Variants in SLC15A4 observed in about 807,000 individuals in gnomAD.
The protein encoded by SLC15A4 is solute carrier family 15 member 4, also known as hPHT1.
A neutral mutation model predicts 46.1 loss-of-function variants in SLC15A4; 26 were observed. The observed-to-expected ratio is 0.56, with a 90% CI of 0.41 to 0.78. SLC15A4 has a LOEUF of 0.78. Ranked by LOEUF, SLC15A4 falls within the 30% of genes least tolerant of loss-of-function variation. The probability of loss-of-function intolerance (pLI) is 0.00; values close to 1 mark genes in which losing one functional copy is unlikely to be tolerated. For synonymous variants in SLC15A4, 370 were observed against 333.4 expected (o/e 1.11, Z -1.20); for missense variants, 751 against 755.7 (o/e 0.99, Z 0.07).
At chr12:128,821,684 A>C (rs1245128111) in intron 1 of SLC15A4, among the ~76,000 whole-genome samples, 1 of 152,064 alleles carries the variant, frequency 6.6e-6, no homozygotes, top group Non-Finnish European at 1.5e-5. Flanking sequence ...TCAAGAGATC[A>C]AGACCATCCT....
chr12:128,810,691 G>A (rs1029013189), intron 2 of SLC15A4, among the ~76,000 whole-genome samples: 2 of 152,168 alleles, frequency 1.3e-5, no homozygotes, highest in African/African-American at 4.8e-5. Flanking sequence ...AGAGCTGTTG[G>A]GGGAGGGCGG....
In SLC15A4 at chr12:128,800,941, C is replaced by T. The variant is rs188218535; in HGVS notation, c.1327G>A (p.Val443Ile). 399 of 1,614,142 alleles carry T rather than the reference C, an allele frequency of 2.5e-4. 2 individuals carry two copies. The South Asian group carries it at 2.6e-3, about 10-fold the overall frequency. ...KTINQTIGNV[V>I]YHAADLSLWW... is the part of the protein sequence containing the mutation. The stretch of plus-strand genomic sequence containing the variant: ...AGCGACAGATCGGCAGCATGGTAGA[C>T]GACGTTGCCGATGGTCTGATTAATG... Residue 443 changes from valine (V) to isoleucine (I), a missense_variant, in exon 6 of 8, where the codon GTC becomes ATC. Physicochemically the swap from Val to Ile is conservative, Grantham distance 29 (BLOSUM62 3). Transcript: ENST00000266771.
At chr12:128,821,462 GC>G (rs1390272195) in intron 1 of SLC15A4, among the ~76,000 whole-genome samples, 4 of 152,236 alleles carry the variant, frequency 2.6e-5, no homozygotes, top group Non-Finnish European at 4.4e-5. Context: ...AGTGAAAGCA[GC>G]CCCAGTGTAG....
chr12:128,811,991 GAGCTCCAGTTTC>G (rs1224864753), intron 2 of SLC15A4, among the ~76,000 whole-genome samples: 10 of 152,076 alleles, frequency 6.6e-5, no homozygotes, highest in Non-Finnish European at 1.3e-4. Context: ...ACAAGTTGAC[GAGCTCCAGTTTC>G]AGGACGCCTG....
At chr12:128,823,281 C>T in intron 1 of SLC15A4, 117 bp downstream of exon 1, 6 of 1,018,124 alleles carry the variant, frequency 5.9e-6, no homozygotes, top group Non-Finnish European at 7.9e-6. Flanking sequence ...TAGACAGAAG[C>T]CCCCCGGGGC....
intron 5 of SLC15A4, among the ~76,000 whole-genome samples, chr12:128,802,734 G>C (rs1203411917): frequency 1.3e-5 from 2 of 152,158 alleles, no homozygotes; most frequent in Non-Finnish European, 2.9e-5. Flanking sequence ...GAAGACTAAG[G>C]ATGAAAAAGG....
intron 5 of SLC15A4, among the ~76,000 whole-genome samples, chr12:128,805,676 C>T (rs1301841542): frequency 1.3e-5 from 2 of 152,104 alleles, no homozygotes; most frequent in African/African-American, 4.8e-5. Context: ...GGATTAAAGG[C>T]ATGCGCCACC....
intron 5 of SLC15A4, chr12:128,801,313 G>A (rs1955516789): frequency 4.5e-6 from 1 of 223,516 alleles, no homozygotes; most frequent in East Asian, 1.1e-4. Context: ...CCCATACCTC[G>A]TTTGTCTCTT....
At position 128,809,145 on chromosome 12, in the gene SLC15A4, C is replaced by T. The variant is rs1593010395; in HGVS notation, c.1090-189G>A. On this transcript the variant is annotated intron_variant, in intron 4 of 7. Coordinates refer to ENST00000266771, the MANE Select transcript of SLC15A4 (RefSeq NM_145648.4). Reference sequence around the variant, plus strand: ...TCCAAATGAATCTGCATTTGCTTTTCTGTGTTTTGAGGGGAAAATAATCAG... The same window carrying T: ...TCCAAATGAATCTGCATTTGCTTTTTTGTGTTTTGAGGGGAAAATAATCAG... 1.2e-5 allele frequency: 8 copies of T among 641,374 alleles called. No homozygotes were observed. In the South Asian group the frequency reaches 1.8e-4, roughly 14 times the overall value. 39.7% of individuals were successfully genotyped at this position (641,374 alleles called of 1,614,324 possible).
rs1254098560 is a variant in SLC15A4, at chr12:128,793,415, T to G, written c.*781A>C. On this transcript the variant is annotated 3_prime_UTR_variant, in exon 8 of 8. Transcript: ENST00000266771. ...ATGTTTTCCTTACATACAACCATGATCAGTCTTTAGTCTCAATCGTACCAA... is the reference window on the plus strand; with the variant it reads ...ATGTTTTCCTTACATACAACCATGAGCAGTCTTTAGTCTCAATCGTACCAA... The G allele has an allele frequency of 6.6e-6, 1 of 152,212 alleles. No homozygotes were observed. Among genetic ancestry groups the G allele is most frequent in the East Asian group, 1.9e-4 (1 of 5,196 alleles). The allele number at this position is 152,212 out of a possible 1,614,324, so 9.4% of individuals were successfully genotyped here.
chr12:128,800,821 G>C, intron 6 of SLC15A4, 33 bp downstream of exon 6: 1 of 1,587,768 alleles, frequency 6.3e-7, no homozygotes, highest in Non-Finnish European at 8.6e-7. Context: ...CTTGTGCCTG[G>C]ACTCAGACAC....
chr12:128,806,026 G>A (rs529749827), intron 5 of SLC15A4, among the ~76,000 whole-genome samples: 19 of 151,626 alleles, frequency 1.3e-4, no homozygotes, highest in African/African-American at 3.2e-4. Context: ...AAAATTAGCC[G>A]GGCATGGTGG....
In SLC15A4 at chr12:128,814,926, C is replaced by T. The variant is rs1566055796; in HGVS notation, c.691G>A (p.Val231Ile). 2 of 1,614,186 alleles carry T rather than the reference C, an allele frequency of 1.2e-6. No homozygotes were observed. Among genetic ancestry groups the T allele is most frequent in the Non-Finnish European group, 8.5e-7 (1 of 1,180,042 alleles). Residue 231 changes from valine to isoleucine, a missense_variant, in exon 2 of 8, where the codon GTC (valine) becomes ATC (isoleucine). By Grantham distance (29) the Val-to-Ile change is conservative (BLOSUM62 3). Coordinates refer to ENST00000266771, the MANE Select transcript of SLC15A4 (RefSeq NM_145648.4). ...ACCACAAAAGCAAGGCCGACGCAGA[C>T]AGTGGGGATCGCATAACCAGTGACA... ...SFVTGYAIPT[V>I]CVGLAFVVFL...
rs763387860 is a variant in SLC15A4, at chr12:128,823,448, G to C, written c.496C>G (p.Leu166Val). The change falls in exon 1 of 8, where the codon CTG becomes GTG. Residue 166 changes from leucine to valine, a missense_variant. Transcript: ENST00000266771. ...ATFAGLVLVG[L>V]GVATVKANIT... ...TTGGCCTTGACGGTGGCCACGCCCA[G>C]GCCCACCAGCACCAGCCCCGCGAAG... is the stretch of plus-strand genomic sequence containing the variant. 2.0e-6 allele frequency: 3 copies of C among 1,473,248 alleles called. No individual in the cohort carries two copies. The highest frequency in any genetic ancestry group is 1.5e-5 in the African/African-American group (1 of 68,038). The allele number at this position is 1,473,248 out of a possible 1,614,324, so 91.3% of individuals were successfully genotyped here.
chr12:128,823,477 G>T lies in SLC15A4; in HGVS notation c.467C>A (p.Ala156Asp). The change falls in exon 1 of 8, where the codon GCC becomes GAC. Residue 156 changes from alanine to aspartate, a missense_variant. Transcript: ENST00000266771. ...CACCAGCACCAGCCCCGCGAAGGTGGCCGGTGAGCAGCAGCGGGCGGCGGC... is the reference window on the plus strand; with the variant it reads ...CACCAGCACCAGCCCCGCGAAGGTGTCCGGTGAGCAGCAGCGGGCGGCGGC... ...PDAAARCCSP[A>D]TFAGLVLVGL... is the part of the protein sequence containing the mutation. The T allele has an allele frequency of 1.3e-6, 2 of 1,484,610 alleles. No individual in the cohort carries two copies. The highest frequency in any genetic ancestry group is 1.8e-6 in the Non-Finnish European group (2 of 1,124,516). 92.0% of individuals were successfully genotyped at this position (1,484,610 alleles called of 1,614,324 possible). A position where few individuals can be genotyped will look rare whatever the true frequency, so the allele number is the denominator to read the frequency against.
intron 7 of SLC15A4, among the ~76,000 whole-genome samples, chr12:128,794,774 T>A (rs7308691): frequency 0.27 from 40,657 of 152,130 alleles, 5,970 homozygotes; most frequent in Non-Finnish European, 0.32. Flanking sequence ...ACGACAAGGC[T>A]GCAAATCAGG....
chr12:128,806,315 A>C (rs936116898), intron 5 of SLC15A4, among the ~76,000 whole-genome samples: 7 of 152,190 alleles, frequency 4.6e-5, no homozygotes, highest in Non-Finnish European at 8.8e-5. Flanking sequence ...TTGGGAAAGA[A>C]TCTTAAACGT....
intron 1 of SLC15A4, chr12:128,819,817 G>A (rs1164247610): frequency 6.6e-6 from 1 of 152,220 alleles, no homozygotes; most frequent in Admixed American, 6.5e-5. Context: ...ATTCATCTGA[G>A]ATAACCGAGC....
chr12:128,822,537 TA>T (rs1204236902), intron 1 of SLC15A4, among the ~76,000 whole-genome samples: 2 of 152,190 alleles, frequency 1.3e-5, no homozygotes, highest in Non-Finnish European at 2.9e-5. Context: ...CCCGTTCATT[TA>T]TTTTTTATTT....
Sources: gnomAD v4.1 joint callset for allele counts (sites outside exome capture counted in the v4.1 genomes callset) on GRCh38, gnomAD v4.1.1 for gene constraint, MANE v1.5 for transcripts, NCBI Gene and HGNC (gene_info 2026-07-23, HGNC 2026-07-21) for gene names.